MAST4: variants seen among roughly 807,000 people sequenced by gnomAD.
MAST4 encodes microtubule-associated serine/threonine-protein kinase 4.
MAST4 carries 89 observed loss-of-function variants against 162.7 expected under a neutral mutation model. The ratio of observed to expected loss-of-function variants is 0.55; its 90% CI spans 0.46 to 0.65. The LOEUF (loss-of-function observed/expected upper bound fraction) is 0.65, where lower values mean the gene tolerates loss of function less well. Among genes scored for constraint, MAST4 ranks in the 30% least tolerant of loss-of-function variants. The pLI, the probability that MAST4 is intolerant of heterozygous loss-of-function variation, is 0.00. For missense variants in MAST4, 3,153 were observed against 3,374.0 expected (o/e 0.93, Z 1.62); for synonymous variants, 1,479 against 1,361.1 (o/e 1.09, Z -1.91).
intron 3 of MAST4, among the ~76,000 whole-genome samples, chr5:66,891,098 T>C (rs998894489): frequency 6.6e-6 from 1 of 152,228 alleles, no homozygotes; most frequent in East Asian, 1.9e-4. Context: ...TTCCTGCTCA[T>C]CAGGGACTCG....
At chr5:67,135,939 T>C (rs1281925531) in intron 18 of MAST4, among the ~76,000 whole-genome samples, 1 of 152,246 alleles carries the variant, frequency 6.6e-6, no homozygotes, top group African/African-American at 2.4e-5. Flanking sequence ...AAAGTATTCT[T>C]AATATTTATG....
In MAST4 at chr5:67,090,184, A is replaced by G. The variant is rs2150789152; in HGVS notation, c.786A>G (p.Pro262=). 1 of 1,612,572 alleles carries G rather than the reference A, an allele frequency of 6.2e-7. No individual in the cohort carries two copies. Among genetic ancestry groups the G allele is most frequent in the Non-Finnish European group, 8.5e-7 (1 of 1,179,012 alleles). The change falls in exon 6 of 29, where the codon CCA becomes CCG. Residue 262 remains proline (P), a synonymous_variant. Transcript: ENST00000403625. ...AHAGNSPQDS[P]RNFSPSASAH... ...TAGGAAATAGCCCTCAAGATAGTCC[A>G]AGAAATTTCTCCCCCAGTGCCTCAG...
At chr5:66,780,402 G>A (rs776459260) in intron 2 of MAST4, among the ~76,000 whole-genome samples, 2 of 152,206 alleles carry the variant, frequency 1.3e-5, no homozygotes, top group African/African-American at 4.8e-5. Flanking sequence ...GAGTGTTACA[G>A]TTTTTAAAGA....
At chr5:66,804,253 G>A (rs1756067370) in intron 3 of MAST4, among the ~76,000 whole-genome samples, 1 of 150,312 alleles carries the variant, frequency 6.7e-6, no homozygotes, top group East Asian at 1.9e-4. Context: ...ATGTATATCA[G>A]CAACTATTAG....
At chr5:66,649,131 T>C (rs890062487) in intron 1 of MAST4, among the ~76,000 whole-genome samples, 1 of 152,180 alleles carries the variant, frequency 6.6e-6, no homozygotes, top group Non-Finnish European at 1.5e-5. Context: ...CAGTGTTTCA[T>C]GGAAGCCATT....
chr5:67,161,005 C>T (rs1286735627), intron 27 of MAST4, among the ~76,000 whole-genome samples: 1 of 152,208 alleles, frequency 6.6e-6, no homozygotes, highest in Non-Finnish European at 1.5e-5. Flanking sequence ...TCTAAAATTA[C>T]TGTTACCTTT....
chr5:66,670,789 G>A (rs2149472749), intron 1 of MAST4, among the ~76,000 whole-genome samples: 1 of 151,764 alleles, frequency 6.6e-6, no homozygotes, highest in Non-Finnish European at 1.5e-5. Flanking sequence ...AACTCAAAAG[G>A]TGAGATAAGG....
chr5:66,634,688 A>C (rs1482885328), intron 1 of MAST4, among the ~76,000 whole-genome samples: 1 of 152,206 alleles, frequency 6.6e-6, no homozygotes, highest in African/African-American at 2.4e-5. Flanking sequence ...AGCCAATTTC[A>C]TGTGGTCTTC....
chr5:66,874,902 C>T (rs969583977), intron 3 of MAST4, among the ~76,000 whole-genome samples: 13 of 151,992 alleles, frequency 8.6e-5, no homozygotes, highest in African/African-American at 3.1e-4. Flanking sequence ...TCTTTGACAC[C>T]TTAGAAACCC....
chr5:66,655,157 T>C (rs1746466432), intron 1 of MAST4, among the ~76,000 whole-genome samples: 1 of 152,180 alleles, frequency 6.6e-6, no homozygotes, highest in South Asian at 2.1e-4. Flanking sequence ...TGCATTGTGA[T>C]GGGAGTCTTA....
At position 67,165,790 on chromosome 5, in the gene MAST4, A is replaced by G; in HGVS notation, c.6611A>G (p.Lys2204Arg). 1.2e-6 allele frequency: 2 copies of G among 1,608,876 alleles called. No homozygotes were observed. The highest frequency in any genetic ancestry group is 1.7e-6 in the Non-Finnish European group (2 of 1,177,900). The stretch of plus-strand genomic sequence containing the variant: ...CCTGGCCCTGACCCGGGCCCTCCAA[A>G]GACTAAGCACCCCGACCGGTCCCTC... Reference protein sequence around the residue: ...PRPGPDPGPPKTKHPDRSLSS... With the variant: ...PRPGPDPGPPRTKHPDRSLSS... Residue 2204 changes from lysine (K) to arginine (R), a missense_variant, in exon 29 of 29, where the codon AAG (lysine) becomes AGG (arginine). Lys to Arg is a conservative substitution (Grantham distance 26, BLOSUM62 2). Transcript: ENST00000403625.
intron 1 of MAST4, among the ~76,000 whole-genome samples, chr5:66,746,023 C>T (rs989191682): frequency 3.3e-5 from 5 of 152,132 alleles, no homozygotes; most frequent in South Asian, 2.1e-4. Flanking sequence ...GGTCTGCGTT[C>T]GTGCACCAGT....
intron 2 of MAST4, among the ~76,000 whole-genome samples, chr5:66,760,077 CT>C (rs1554049939): frequency 0.16 from 23,108 of 147,102 alleles, 2,271 homozygotes; most frequent in East Asian, 0.41. Context: ...ACAATATCCC[CT>C]ATTTATTTAT....
intron 1 of MAST4, among the ~76,000 whole-genome samples, chr5:66,659,449 T>C (rs79885191): frequency 0.012 from 1,846 of 152,316 alleles, 17 homozygotes; most frequent in Non-Finnish European, 0.019. Flanking sequence ...TAAACACATG[T>C]TAAAGTGTTT....
intron 3 of MAST4, among the ~76,000 whole-genome samples, chr5:66,854,226 T>C (rs1759514845): frequency 6.6e-6 from 1 of 152,118 alleles, no homozygotes; most frequent in South Asian, 2.1e-4. Flanking sequence ...TGAATGAGTA[T>C]GTGAAAGAAC....
Position 67,167,988 on chromosome 5 carries a change from C to T in MAST4, c.*937C>T, listed in dbSNP as rs1774239915. 6.6e-6 allele frequency: 1 copy of T among 152,186 alleles called. No individual in the cohort carries two copies. The highest frequency in any genetic ancestry group is 1.5e-5 in the Non-Finnish European group (1 of 68,048). 9.4% of individuals were successfully genotyped at this position (152,186 alleles called of 1,614,324 possible). ...GGCCTTTATGCTGTGAGTGACTAGT[C>T]CAAGAAGCACACATTTTGTAGTAGT... On this transcript the variant is annotated 3_prime_UTR_variant, in exon 29 of 29. Coordinates refer to ENST00000403625, the MANE Select transcript of MAST4 (RefSeq NM_001164664.2).
intron 1 of MAST4, among the ~76,000 whole-genome samples, chr5:66,733,310 C>A (rs1441354180): frequency 6.7e-6 from 1 of 150,298 alleles, no homozygotes; most frequent in African/African-American, 2.4e-5. Flanking sequence ...TCCCCTCCCT[C>A]TTCCCCCCAC....
intron 26 of MAST4, among the ~76,000 whole-genome samples, chr5:67,158,643 A>G (rs1238268331): frequency 6.6e-6 from 1 of 152,222 alleles, no homozygotes; most frequent in Middle Eastern, 3.2e-3. Flanking sequence ...ACCTTCCAAT[A>G]TTAAACTGGA....
At chr5:66,898,323 G>A (rs1183110445) in intron 3 of MAST4, among the ~76,000 whole-genome samples, 6 of 152,164 alleles carry the variant, frequency 3.9e-5, no homozygotes, top group Non-Finnish European at 1.5e-5. Flanking sequence ...ACAGTGTGGT[G>A]AGCTATTACT....
Sources: gnomAD v4.1 joint callset for allele counts (sites outside exome capture counted in the v4.1 genomes callset) on GRCh38, gnomAD v4.1.1 for gene constraint, MANE v1.5 for transcripts, NCBI Gene and HGNC (gene_info 2026-07-23, HGNC 2026-07-21) for gene names.